UGDH: variants seen among roughly 807,000 people sequenced by gnomAD.
UGDH encodes the protein UDP-glucose 6-dehydrogenase, also known as UDP-Glc dehydrogenase.
In UGDH, 38 loss-of-function variants were observed where a neutral mutation model predicts 50.6. The observed-to-expected ratio is 0.75, with a 90% CI of 0.58 to 0.98. The LOEUF (loss-of-function observed/expected upper bound fraction) is 0.98. Among genes scored for constraint, UGDH ranks in the 50% least tolerant of loss-of-function variants. The pLI is 0.00. For synonymous variants in UGDH, 168 were observed against 199.9 expected (o/e 0.84, Z 1.35); for missense variants, 465 against 606.2 (o/e 0.77, Z 2.45).
chr4:39,505,402 C>A, intron 8 of UGDH, 32 bp from the exon 9 acceptor site: 1 of 1,462,932 alleles, frequency 6.8e-7, no homozygotes, highest in Non-Finnish European at 9.1e-7. Flanking sequence ...TATTGGTAAG[C>A]TTTATGTGGC....
chr4:39,521,410 C>T lies in UGDH; in HGVS notation c.103G>A (p.Val35Ile), dbSNP rs1299204864. The change falls in exon 2 of 12, where the codon GTT becomes ATT. Residue 35 changes from valine (V) to isoleucine (I), a missense_variant. Val to Ile is a conservative substitution (Grantham distance 29). Coordinates refer to ENST00000316423, the MANE Select transcript of UGDH (RefSeq NM_003359.4). ...HMCPEIRVTV[V>I]DVNESRINAW... Reference sequence around the variant, plus strand: ...TTGATTCTTGATTCATTGACATCAACAACCGTTACCCTGATTTCAGGACAC... The same window carrying T: ...TTGATTCTTGATTCATTGACATCAATAACCGTTACCCTGATTTCAGGACAC... The T allele has an allele frequency of 1.9e-6, 3 of 1,613,284 alleles. No individual in the cohort carries two copies. The East Asian group carries it at 6.7e-5, about 36-fold the overall frequency.
chr4:39,513,336 G>C (rs1746315318), intron 3 of UGDH, among the ~76,000 whole-genome samples: 1 of 152,026 alleles, frequency 6.6e-6, no homozygotes, highest in Non-Finnish European at 1.5e-5. Flanking sequence ...CTGTTGGTTA[G>C]CCTGATAATC....
At position 39,510,857 on chromosome 4, in the gene UGDH, T is replaced by G. The variant is rs113565151; in HGVS notation, c.269A>C (p.Asn90Thr). The change falls in exon 4 of 12, where the codon AAT becomes ACT. Residue 90 changes from asparagine to threonine, a missense_variant. Physicochemically the swap from Asn to Thr is moderately conservative, Grantham distance 65 (BLOSUM62 0). Coordinates refer to ENST00000316423, the MANE Select transcript of UGDH (RefSeq NM_003359.4). ...KEADLVFISVNTPTKTYGMGK... is the reference protein window; with the variant it reads ...KEADLVFISVTTPTKTYGMGK... ...CATTCCATAGGTTTTTGTTGGAGTATTCACCTGATGTAAGTATATGGGATA... is the reference window on the plus strand; with the variant it reads ...CATTCCATAGGTTTTTGTTGGAGTAGTCACCTGATGTAAGTATATGGGATA... The G allele has an allele frequency of 9.3e-6, 15 of 1,614,180 alleles. No individual in the cohort carries two copies. Among genetic ancestry groups the G allele is most frequent in the Non-Finnish European group, 1.3e-5 (15 of 1,180,040 alleles).
In UGDH at chr4:39,510,371, A is replaced by G. The variant is rs748362439; in HGVS notation, c.645T>C (p.Ser215=). ...TACTAACCAGTTTGGAAAGCTCTGA[A>G]GACCAAGTATTAGTGGTGAGGATCT... ...REKILTTNTW[S]SELSKLAANA... The change falls in exon 5 of 12, where the codon TCT becomes TCC. Residue 215 remains serine (S), a synonymous_variant. Coordinates refer to ENST00000316423, the MANE Select transcript of UGDH (RefSeq NM_003359.4). The G allele has an allele frequency of 6.8e-6, 11 of 1,614,120 alleles. No homozygotes were observed.
rs779648576 is a variant in UGDH at position 39,514,226 on chromosome 4, A to G, written c.163-42T>C. 11 of 1,410,824 alleles carry G rather than the reference A, an allele frequency of 7.8e-6. No homozygotes were observed. In the South Asian group the frequency reaches 1.2e-4, roughly 16 times the overall value. 87.4% of individuals were successfully genotyped at this position (1,410,824 alleles called of 1,614,324 possible). A position where few individuals can be genotyped will look rare whatever the true frequency, so the allele number is the denominator to read the frequency against. ...AAAGGAATTGTACATATAGCTTGCCAGTGATATGAGATAACCTAATAGTAT... is the reference window on the plus strand; with the variant it reads ...AAAGGAATTGTACATATAGCTTGCCGGTGATATGAGATAACCTAATAGTAT... On this transcript the variant is annotated intron_variant, in intron 2 of 11. Coordinates refer to ENST00000316423, the MANE Select transcript of UGDH (RefSeq NM_003359.4).
rs1190721522 is a variant in UGDH, at chr4:39,505,161, A to G, written c.1171+76T>C. On this transcript the variant is annotated intron_variant, in intron 9 of 11. Transcript: ENST00000316423. ...ACCAATGATATACATGATAAAACTGAACAACCTAAGGTTTCCAAAAGATAA... is the reference window on the plus strand; with the variant it reads ...ACCAATGATATACATGATAAAACTGGACAACCTAAGGTTTCCAAAAGATAA... The G allele has an allele frequency of 4.1e-6, 6 of 1,447,876 alleles. No individual in the cohort carries two copies. In the South Asian group the frequency reaches 5.7e-5, roughly 14 times the overall value. 89.7% of individuals were successfully genotyped at this position (1,447,876 alleles called of 1,614,324 possible).
intron 6 of UGDH, among the ~76,000 whole-genome samples, chr4:39,509,378 C>G (rs901064156): frequency 6.6e-6 from 1 of 152,138 alleles, no homozygotes; most frequent in Non-Finnish European, 1.5e-5. Flanking sequence ...TAAACTGCCA[C>G]TGTAGCTCAA....
chr4:39,511,354 A>G (rs955402282), intron 3 of UGDH, among the ~76,000 whole-genome samples: 3 of 150,028 alleles, frequency 2.0e-5, no homozygotes, highest in African/African-American at 7.4e-5. Context: ...TCTGCCTCCC[A>G]GGTTCAAGCG....
At chr4:39,519,927 T>C (rs1746581800) in intron 2 of UGDH, among the ~76,000 whole-genome samples, 1 of 152,218 alleles carries the variant, frequency 6.6e-6, no homozygotes, top group African/African-American at 2.4e-5. Context: ...TTCATAGATT[T>C]CCATATCTTA....
intron 10 of UGDH, 48 bp downstream of exon 10, chr4:39,504,369 A>G: frequency 6.4e-7 from 1 of 1,551,224 alleles, no homozygotes; most frequent in Non-Finnish European, 8.9e-7. Flanking sequence ...CCCAGCTGAT[A>G]GTGGAACACC....
intron 2 of UGDH, among the ~76,000 whole-genome samples, chr4:39,515,914 G>A: frequency 6.6e-6 from 1 of 152,048 alleles, no homozygotes; most frequent in East Asian, 1.9e-4. Flanking sequence ...TGGCCAGGCT[G>A]GTCTCGAACT....
chr4:39,512,584 A>G (rs1746284046), intron 3 of UGDH, among the ~76,000 whole-genome samples: 1 of 152,204 alleles, frequency 6.6e-6, no homozygotes, highest in Non-Finnish European at 1.5e-5. Flanking sequence ...ATTATTTTTA[A>G]ATGTCCTTTC....
chr4:39,508,703 A>C, intron 6 of UGDH, 43 bp from the exon 7 acceptor site: 1 of 1,532,652 alleles, frequency 6.5e-7, no homozygotes, highest in Non-Finnish European at 8.8e-7. Context: ...TGTAAGAACG[A>C]GAAAACTCAA....
intron 3 of UGDH, among the ~76,000 whole-genome samples, chr4:39,512,145 G>A (rs1015971603): frequency 1.3e-5 from 2 of 152,068 alleles, no homozygotes; most frequent in Non-Finnish European, 2.9e-5. Context: ...AGGATAGTGA[G>A]CTCTCTAAAA....
At chr4:39,505,496 A>G in intron 8 of UGDH, 122 bp downstream of exon 8, 1 of 1,118,132 alleles carries the variant, frequency 8.9e-7, no homozygotes. Context: ...ATGGATATTT[A>G]TTTTTATTCT....
rs1400737927 is a variant in UGDH, at chr4:39,510,848, G to C, written c.278C>G (p.Thr93Arg). The C allele has an allele frequency of 6.2e-7, 1 of 1,614,114 alleles. No individual in the cohort carries two copies. The highest frequency in any genetic ancestry group is 8.5e-7 in the Non-Finnish European group (1 of 1,180,034). Residue 93 changes from threonine to arginine, a missense_variant, in exon 4 of 12, where the codon ACA becomes AGA. By Grantham distance (71) the Thr-to-Arg change is moderately conservative. Transcript: ENST00000316423. ...DLVFISVNTP[T>R]KTYGMGKGRA... is the part of the protein sequence containing the mutation. Reference sequence around the variant, plus strand: ...GCCTTTCCCCATTCCATAGGTTTTTGTTGGAGTATTCACCTGATGTAAGTA... The same window carrying C: ...GCCTTTCCCCATTCCATAGGTTTTTCTTGGAGTATTCACCTGATGTAAGTA...
Position 39,503,995 on chromosome 4 carries a change from C to CA in UGDH, c.1264-11dup, listed in dbSNP as rs750124183. 425 of 1,609,858 alleles carry CA rather than the reference C, an allele frequency of 2.6e-4. No individual in the cohort carries two copies. Among genetic ancestry groups the CA allele is most frequent in the Admixed American group, 4.7e-4 (28 of 59,948 alleles). The stretch of plus-strand genomic sequence containing the variant: ...GTTCATAATCCAATTCCTGTAAAGA[C>CA]AAACCACAGGAACAATTAAAACACA... On this transcript the variant is annotated splice_polypyrimidine_tract_variant and intron_variant, in intron 10 of 11. Coordinates refer to ENST00000316423, the MANE Select transcript of UGDH (RefSeq NM_003359.4).
At chr4:39,515,224 G>A (rs1746397588) in intron 2 of UGDH, among the ~76,000 whole-genome samples, 1 of 152,154 alleles carries the variant, frequency 6.6e-6, no homozygotes, top group Admixed American at 6.5e-5. Context: ...TTAATGCTTT[G>A]TCATTGTTTA....
intron 2 of UGDH, among the ~76,000 whole-genome samples, chr4:39,514,959 C>T (rs1013331000): frequency 2.0e-5 from 3 of 151,862 alleles, no homozygotes; most frequent in South Asian, 2.1e-4. Context: ...TGGGATTACA[C>T]GCACAAGCCA....
Sources: gnomAD v4.1 joint callset for allele counts (sites outside exome capture counted in the v4.1 genomes callset) on GRCh38, gnomAD v4.1.1 for gene constraint, MANE v1.5 for transcripts, NCBI Gene and HGNC (gene_info 2026-07-23, HGNC 2026-07-21) for gene names.